The following ACCSL variants were observed in gnomAD, a reference collection of about 807,000 sequenced individuals.
The protein encoded by ACCSL is 1-aminocyclopropane-1-carboxylate synthase homolog (inactive) like, also known as probable inactive 1-aminocyclopropane-1-carboxylate synthase-like protein 2.
In ACCSL, 55 loss-of-function variants were observed where a neutral mutation model predicts 61.7. The observed-to-expected ratio is 0.89, with a 90% CI of 0.72 to 1.12. The LOEUF (loss-of-function observed/expected upper bound fraction) is 1.12. Ranked by LOEUF, ACCSL falls within the 50% of genes most tolerant of loss-of-function variation. ACCSL has a pLI of 0.00. For synonymous variants in ACCSL, 258 were observed against 264.3 expected, an observed-to-expected ratio of 0.98 and a Z score of 0.23; for missense variants, 632 against 698.0, an observed-to-expected ratio of 0.91 and a Z score of 1.07.
At chr11:43,991,466 G>A in the ACCSL span, among the ~76,000 whole-genome samples, 1 of 152,270 alleles carries the variant, frequency 6.6e-6, no homozygotes, top group East Asian at 1.9e-4. Flanking sequence ...GGGCTCAGGT[G>A]TGGCATTCAA....
At chr11:43,956,807 T>G in the ACCSL span, among the ~76,000 whole-genome samples, 2 of 152,310 alleles carry the variant, frequency 1.3e-5, no homozygotes, top group African/African-American at 4.8e-5. Flanking sequence ...TGAGCCAGCT[T>G]GAGGGCATGC....
chr11:43,933,700 A>G, the ACCSL span, among the ~76,000 whole-genome samples: 1 of 152,106 alleles, frequency 6.6e-6, no homozygotes, highest in African/African-American at 2.4e-5. Context: ...TTGGCAGGGA[A>G]ATGAGCTCTC....
At chr11:43,989,162 G>C in the ACCSL span, among the ~76,000 whole-genome samples, 1 of 152,214 alleles carries the variant, frequency 6.6e-6, no homozygotes, top group African/African-American at 2.4e-5. Flanking sequence ...GCTGTGTGGG[G>C]AGGCTCAGCG....
At chr11:43,988,242 G>T in the ACCSL span, among the ~76,000 whole-genome samples, 1 of 152,144 alleles carries the variant, frequency 6.6e-6, no homozygotes, top group Admixed American at 6.5e-5. Context: ...GGGAACCCTG[G>T]CAGGGCCTGC....
At chr11:43,977,780 G>A in the ACCSL span, among the ~76,000 whole-genome samples, 3 of 152,170 alleles carry the variant, frequency 2.0e-5, no homozygotes. Flanking sequence ...CTCTGGTGGT[G>A]GAGTCACACT....
chr11:43,953,355 C>A, the ACCSL span, among the ~76,000 whole-genome samples: 1 of 151,780 alleles, frequency 6.6e-6, no homozygotes, highest in Non-Finnish European at 1.5e-5. Flanking sequence ...AACCCCATCT[C>A]TACTAAAAAT....
At chr11:43,982,226 CTTTT>C in the ACCSL span, among the ~76,000 whole-genome samples, 64 of 86,312 alleles carry the variant, frequency 7.4e-4, no homozygotes, top group African/African-American at 1.2e-3. Flanking sequence ...CCAAGGCCCT[CTTTT>C]TTTTTTTTTT....
chr11:44,048,557 GGGGGT>G lies in ACCSL; in HGVS notation c.504+21_504+25del. On this transcript the variant is annotated intron_variant, in intron 1 of 13. Coordinates refer to ENST00000378832, the MANE Select transcript of ACCSL (RefSeq NM_001031854.2). ...AACACCTTGGTGAGAATTTGGGGTGGGGGGTGGGCAGCATCCTCACGGGCTCCAGT... is the reference window on the plus strand; with the variant it reads ...AACACCTTGGTGAGAATTTGGGGTGGGGGCAGCATCCTCACGGGCTCCAGT... 4.4e-6 allele frequency: 1 copy of G among 227,932 alleles called. No homozygotes were observed. Among genetic ancestry groups the G allele is most frequent in the Non-Finnish European group, 7.6e-6 (1 of 131,596 alleles). The allele number at this position is 227,932 out of a possible 1,614,324, so 14.1% of individuals were successfully genotyped here.
At chr11:44,012,317 G>A in the ACCSL span, among the ~76,000 whole-genome samples, 6 of 150,614 alleles carry the variant, frequency 4.0e-5, no homozygotes, top group East Asian at 2.0e-4. Flanking sequence ...ATAGAGTTTC[G>A]CTCTTTTTGC....
chr11:43,921,923 A>G, the ACCSL span, among the ~76,000 whole-genome samples: 1 of 152,200 alleles, frequency 6.6e-6, no homozygotes. Context: ...CTTGCCATAG[A>G]GTAAAACTAC....
chr11:44,041,405 A>G, the ACCSL span, among the ~76,000 whole-genome samples: 3 of 152,146 alleles, frequency 2.0e-5, no homozygotes, highest in African/African-American at 4.8e-5. Flanking sequence ...CTTTTTAGCT[A>G]TATCTAATTG....
At chr11:44,028,081 G>A in the ACCSL span, among the ~76,000 whole-genome samples, 1 of 152,188 alleles carries the variant, frequency 6.6e-6, no homozygotes, top group African/African-American at 2.4e-5. Context: ...AGGGAAGATT[G>A]CCTGAGCCTA....
chr11:44,048,788 G>GC (rs1169788020), intron 1 of ACCSL, among the ~76,000 whole-genome samples: 2 of 152,116 alleles, frequency 1.3e-5, no homozygotes, highest in African/African-American at 4.8e-5. Context: ...TTAGGAGTTG[G>GC]CCCCTGTGGT....
At chr11:43,956,378 G>A in the ACCSL span, among the ~76,000 whole-genome samples, 1 of 152,136 alleles carries the variant, frequency 6.6e-6, no homozygotes, top group African/African-American at 2.4e-5. Context: ...GGCAAGAGGG[G>A]GTTGATTAGA....
chr11:43,986,319 A>G, the ACCSL span, among the ~76,000 whole-genome samples: 2 of 30,636 alleles, frequency 6.5e-5, no homozygotes, highest in Admixed American at 4.1e-4. Flanking sequence ...CCCCCCACCC[A>G]CTCTTTTTAA....
At chr11:43,942,071 TGTGTGC>T in the ACCSL span, among the ~76,000 whole-genome samples, 12 of 140,464 alleles carry the variant, frequency 8.5e-5, 1 homozygote, top group South Asian at 7.0e-4. Context: ...TGTGTGTGTG[TGTGTGC>T]GCGCGCGCGC....
chr11:43,991,259 C>T, the ACCSL span, among the ~76,000 whole-genome samples: 2 of 152,206 alleles, frequency 1.3e-5, no homozygotes, highest in African/African-American at 2.4e-5. Flanking sequence ...GCCATTCCTG[C>T]TACTGGGTGG....
chr11:43,929,707 G>T, the ACCSL span, among the ~76,000 whole-genome samples: 1 of 152,086 alleles, frequency 6.6e-6, no homozygotes, highest in Non-Finnish European at 1.5e-5. Flanking sequence ...ATGCCCGACC[G>T]CTAATTTTTA....
the ACCSL span, among the ~76,000 whole-genome samples, chr11:43,936,886 C>T: frequency 2.6e-5 from 4 of 152,222 alleles, no homozygotes; most frequent in Admixed American, 6.5e-5. Flanking sequence ...CCCCACCCCC[C>T]CCTCCTGCCC....
Sources: gnomAD v4.1 joint callset for allele counts (sites outside exome capture counted in the v4.1 genomes callset) on GRCh38, gnomAD v4.1.1 for gene constraint, MANE v1.5 for transcripts, NCBI Gene and HGNC (gene_info 2026-07-23, HGNC 2026-07-21) for gene names.